The following PTCHD4 variants were observed in gnomAD, a reference collection of about 807,000 sequenced individuals.
PTCHD4 encodes patched domain containing 4.
A neutral mutation model predicts 58.1 loss-of-function variants in PTCHD4; 33 were observed. That is an observed-to-expected ratio of 0.57 (90% confidence interval 0.43 to 0.76). PTCHD4 has a LOEUF of 0.76. Among genes scored for constraint, PTCHD4 ranks in the 30% least tolerant of loss-of-function variants. The pLI is 0.00. For missense variants in PTCHD4, 1,058 were observed against 1,027.1 expected (o/e 1.03, Z -0.41); for synonymous variants, 478 against 409.6 (o/e 1.17, Z -2.02).
Position 47,869,248 on chromosome 6 carries a change from T to C in PTCHD4, c.*9055A>G, listed in dbSNP as rs746139128. Reference sequence around the variant, plus strand: ...AGTGGTGCTGATAGCCCCTGAACAATTATGCCCCAGCTTGAAACTGTATAG... The same window carrying C: ...AGTGGTGCTGATAGCCCCTGAACAACTATGCCCCAGCTTGAAACTGTATAG... On this transcript the variant is annotated 3_prime_UTR_variant, in exon 5 of 5. Transcript: ENST00000339488. Among the ~76,000 whole-genome samples, 1 of 151,710 alleles carries C rather than the reference T, an allele frequency of 6.6e-6. No individual in the cohort carries two copies. The highest frequency in any genetic ancestry group is 1.5e-5 in the Non-Finnish European group (1 of 67,808).
At chr6:47,995,126 A>G (rs544050854) in intron 4 of PTCHD4, among the ~76,000 whole-genome samples, 1 of 152,316 alleles carries the variant, frequency 6.6e-6, no homozygotes, top group East Asian at 1.9e-4. Context: ...TAATAAATAA[A>G]GAAAGGAGAA....
chr6:48,071,944 C>T (rs655703), intron 1 of PTCHD4, among the ~76,000 whole-genome samples: 25,399 of 152,070 alleles, frequency 0.17, 2,765 homozygotes, highest in Non-Finnish European at 0.24. Context: ...ATTTTTGGGA[C>T]GAAGAACAGA....
intron 4 of PTCHD4, among the ~76,000 whole-genome samples, chr6:47,917,183 T>C (rs1175773235): frequency 6.6e-6 from 1 of 152,032 alleles, no homozygotes; most frequent in African/African-American, 2.4e-5. Context: ...CAAAATTTAA[T>C]TTATATATTT....
In PTCHD4 at chr6:47,865,543, ATTG is replaced by A. The variant is rs1468407760; in HGVS notation, c.*12757_*12759del. 6.6e-6 allele frequency among the ~76,000 whole-genome samples: 1 copy of A among 151,902 alleles called. No individual in the cohort carries two copies. The highest frequency in any genetic ancestry group is 1.5e-5 in the Non-Finnish European group (1 of 67,890). Reference sequence around the variant, plus strand: ...CCACATTAAATTCACTAATGTGAATATTGTTGTGTTTTAGACACTCAAAGTTCT... The same window carrying A: ...CCACATTAAATTCACTAATGTGAATATTGTGTTTTAGACACTCAAAGTTCT... On this transcript the variant is annotated 3_prime_UTR_variant, in exon 5 of 5. Transcript: ENST00000339488.
chr6:48,103,058 A>G (rs1354855763), intron 1 of PTCHD4, among the ~76,000 whole-genome samples: 1 of 152,200 alleles, frequency 6.6e-6, no homozygotes, highest in Non-Finnish European at 1.5e-5. Flanking sequence ...GACAGCAATA[A>G]CCTCTGCAGT....
intron 4 of PTCHD4, among the ~76,000 whole-genome samples, chr6:47,904,052 G>A (rs1229576649): frequency 6.6e-6 from 1 of 152,198 alleles, no homozygotes; most frequent in Non-Finnish European, 1.5e-5. Flanking sequence ...CCAAAGCCCG[G>A]GTGGCTGGAG....
At chr6:48,024,008 G>A (rs575896496) in intron 3 of PTCHD4, among the ~76,000 whole-genome samples, 4 of 152,064 alleles carry the variant, frequency 2.6e-5, no homozygotes, top group African/African-American at 4.8e-5. Context: ...GAGCACTTAC[G>A]ACTGCTGTGA....
chr6:48,072,029 A>G (rs888175665), intron 1 of PTCHD4, among the ~76,000 whole-genome samples: 4 of 152,140 alleles, frequency 2.6e-5, no homozygotes, highest in African/African-American at 9.7e-5. Context: ...GTTGATGTGA[A>G]CCTTGATCAC....
intron 4 of PTCHD4, among the ~76,000 whole-genome samples, chr6:47,954,021 G>A (rs1347381545): frequency 6.6e-6 from 1 of 152,136 alleles, no homozygotes; most frequent in African/African-American, 2.4e-5. Context: ...CTGAAGTGAA[G>A]CTAGACACTA....
At chr6:48,037,317 A>G (rs1763675116) in intron 3 of PTCHD4, among the ~76,000 whole-genome samples, 1 of 152,162 alleles carries the variant, frequency 6.6e-6, no homozygotes, top group African/African-American at 2.4e-5. Flanking sequence ...ATGTATGTGT[A>G]GGAAAAAACA....
At chr6:48,110,792 A>AAT (rs368749348) in intron 1 of PTCHD4, among the ~76,000 whole-genome samples, 28,424 of 142,608 alleles carry the variant, frequency 0.2, 3,412 homozygotes, top group Non-Finnish European at 0.27. Flanking sequence ...TATATATATA[A>AAT]ATATATATAT....
At chr6:48,057,199 GT>G (rs952095381) in intron 3 of PTCHD4, among the ~76,000 whole-genome samples, 11 of 140,664 alleles carry the variant, frequency 7.8e-5, no homozygotes, top group African/African-American at 2.6e-4. Flanking sequence ...TGTTTTTTTT[GT>G]TTTTTTTTTC....
intron 4 of PTCHD4, among the ~76,000 whole-genome samples, chr6:47,989,769 G>T (rs1445107097): frequency 6.6e-6 from 1 of 152,228 alleles, no homozygotes; most frequent in Non-Finnish European, 1.5e-5. Flanking sequence ...CTCATGGAGA[G>T]CCTCTGTTAG....
chr6:48,035,726 C>T (rs989261917), intron 3 of PTCHD4, among the ~76,000 whole-genome samples: 2 of 152,144 alleles, frequency 1.3e-5, no homozygotes, highest in Middle Eastern at 3.2e-3. Context: ...TCAGGTTCCT[C>T]ATTCTGCATT....
chr6:47,993,858 T>C (rs149226313), intron 4 of PTCHD4, among the ~76,000 whole-genome samples: 54 of 152,232 alleles, frequency 3.5e-4, no homozygotes, highest in African/African-American at 1.3e-3. Context: ...GGACTACTTA[T>C]AGAGATATGG....
intron 4 of PTCHD4, among the ~76,000 whole-genome samples, chr6:47,887,021 T>A (rs1477688918): frequency 6.6e-6 from 1 of 152,216 alleles, no homozygotes; most frequent in Non-Finnish European, 1.5e-5. Flanking sequence ...GTTAGGCACT[T>A]GCCTTTTTCA....
intron 4 of PTCHD4, among the ~76,000 whole-genome samples, chr6:47,946,714 T>C (rs756340032): frequency 2.0e-5 from 3 of 152,170 alleles, no homozygotes; most frequent in Non-Finnish European, 4.4e-5. Context: ...CCCTCTTATT[T>C]TGTGCTTTTT....
rs1218493119 is a variant in PTCHD4 at position 47,860,781 on chromosome 6, TG to T, written c.*17521del. ...CTACTAGTTTATTTCACTCATTGCT[TG>T]GGATTTATCTACTTAAGCAAAGCAA... On this transcript the variant is annotated 3_prime_UTR_variant, in exon 5 of 5. Transcript: ENST00000339488. Among the ~76,000 whole-genome samples, 1 of 151,974 alleles carries T rather than the reference TG, an allele frequency of 6.6e-6. No homozygotes were observed. The highest frequency in any genetic ancestry group is 1.5e-5 in the Non-Finnish European group (1 of 67,932).
intron 4 of PTCHD4, among the ~76,000 whole-genome samples, chr6:47,934,264 T>C (rs1765926444): frequency 6.6e-6 from 1 of 152,150 alleles, no homozygotes; most frequent in Non-Finnish European, 1.5e-5. Flanking sequence ...ACTCTGGCTC[T>C]GAGAGAGTTC....
Sources: allele counts gnomAD v4.1 joint callset (sites outside exome capture counted in the v4.1 genomes callset), GRCh38; gene constraint gnomAD v4.1.1; transcripts MANE v1.5; gene names NCBI Gene and HGNC (gene_info 2026-07-23, HGNC 2026-07-21).